CELSR1: variants seen among roughly 807,000 people sequenced by gnomAD.
CELSR1 encodes adhesion G protein-coupled receptor C1.
Under a neutral mutation model 249.1 loss-of-function variants are expected in CELSR1, and 110 were observed. The observed-to-expected ratio is 0.44, with a 90% CI of 0.38 to 0.52. The LOEUF (loss-of-function observed/expected upper bound fraction) is 0.52. Ranked by LOEUF, CELSR1 falls within the 20% of genes least tolerant of loss-of-function variation. CELSR1 has a pLI of 0.00. For missense variants in CELSR1, 4,109 were observed against 4,296.4 expected, an observed-to-expected ratio of 0.96 and a Z score of 1.22; for synonymous variants, 2,113 against 1,900.0, an observed-to-expected ratio of 1.11 and a Z score of -2.92.
In CELSR1 at chr22:46,398,942, C is replaced by T. The variant is rs1175781796; in HGVS notation, c.5413-305G>A. On this transcript the variant is annotated intron_variant, in intron 10 of 34. Coordinates refer to ENST00000674500, the MANE Select transcript of CELSR1 (RefSeq NM_001378328.1). The surrounding 1 kb of genome is among the most constrained non-coding windows in gnomAD (Gnocchi z 7.2). The stretch of plus-strand genomic sequence containing the variant: ...CAAGGGCACAACACTAAACCAGCCA[C>T]GCTGTGACAGAGAGCTTGGCGAGTC... Among the ~76,000 whole-genome samples, 3 of 152,202 alleles carry T rather than the reference C, an allele frequency of 2.0e-5. No homozygotes were observed. Among genetic ancestry groups the T allele is most frequent in the African/African-American group, 4.8e-5 (2 of 41,446 alleles).
chr22:46,413,189 A>G lies in CELSR1; in HGVS notation c.4612-1430T>C, dbSNP rs996781857. ...CTTTTAATAGGAAAATAACAACCAC[A>G]TAGTTCATTCAAAAATAAATCTTCA... On this transcript the variant is annotated intron_variant, in intron 5 of 34. Transcript: ENST00000674500. This position sits in a 1 kb window ranked among gnomAD's most constrained non-coding sequence, Gnocchi z 4.7. Among the ~76,000 whole-genome samples the G allele has an allele frequency of 3.3e-5, 5 of 152,278 alleles. No individual in the cohort carries two copies. In the South Asian group the frequency reaches 1.0e-3, roughly 31 times the overall value.
intron 24 of CELSR1, among the ~76,000 whole-genome samples, chr22:46,375,498 C>G (rs1311479689): frequency 6.6e-6 from 1 of 151,740 alleles, no homozygotes; most frequent in Admixed American, 6.6e-5. Flanking sequence ...CATTATCAGA[C>G]TGCTCTGATC....
At chr22:46,378,842 C>T in intron 22 of CELSR1, 125 bp from the exon 23 acceptor site, 2 of 1,264,856 alleles carry the variant, frequency 1.6e-6, no homozygotes, top group Non-Finnish European at 2.2e-6. Context: ...ACAGCAGGTG[C>T]CGTGAGTGCT....
Position 46,365,786 on chromosome 22 carries a change from T to G in CELSR1, c.8301-97A>C, listed in dbSNP as rs1237390956. On this transcript the variant is annotated intron_variant, in intron 30 of 34. Transcript: ENST00000674500. ...AGATTCTCTGCCCCTACCCCTTCTG[T>G]GTTCCCAACAACAGCACAGACAAAA... The G allele has an allele frequency of 2.6e-5, 22 of 838,446 alleles. 1 individual carries two copies. The African/African-American group carries it at 4.4e-4, about 17-fold the overall frequency. 51.9% of individuals were successfully genotyped at this position (838,446 alleles called of 1,614,324 possible).
At chr22:46,366,060 GAGGGGGAAGGTGGA>G (rs1252891412) in intron 30 of CELSR1, among the ~76,000 whole-genome samples, 1 of 6,058 alleles carries the variant, frequency 1.7e-4, no homozygotes, top group Admixed American at 9.7e-4. Flanking sequence ...GGGAAAGGTG[GAGGGGGAAGGTGGA>G]GGGGGGAAGG....
intron 2 of CELSR1, among the ~76,000 whole-genome samples, chr22:46,458,790 C>T (rs573756898): frequency 2.0e-4 from 31 of 152,330 alleles, no homozygotes; most frequent in South Asian, 1.2e-3. Flanking sequence ...GTCCCACCTC[C>T]TGGGTTGTCA....
intron 1 of CELSR1, among the ~76,000 whole-genome samples, chr22:46,509,828 A>G (rs979098646): frequency 3.9e-5 from 6 of 152,180 alleles, no homozygotes; most frequent in Non-Finnish European, 8.8e-5. Context: ...GTACCCATGC[A>G]CAATGCAGGG....
At chr22:46,502,544 G>A (rs2080477278) in intron 1 of CELSR1, among the ~76,000 whole-genome samples, 2 of 151,790 alleles carry the variant, frequency 1.3e-5, no homozygotes, top group South Asian at 2.1e-4. Flanking sequence ...GAGGGAGGGA[G>A]AGAGGGACGT....
rs777606696 is a variant in CELSR1, at chr22:46,391,308, G to C, written c.6149-21C>G. The C allele has an allele frequency of 1.7e-5, 27 of 1,598,448 alleles. No individual in the cohort carries two copies. The highest frequency in any genetic ancestry group is 2.1e-5 in the Non-Finnish European group (25 of 1,166,938). Reference sequence around the variant, plus strand: ...GATCACTGGGGTAGAGAAGAGAGAAGTCTGCTCAGCGGGGCACGCCACACC... The same window carrying C: ...GATCACTGGGGTAGAGAAGAGAGAACTCTGCTCAGCGGGGCACGCCACACC... On this transcript the variant is annotated intron_variant, in intron 15 of 34. Coordinates refer to ENST00000674500, the MANE Select transcript of CELSR1 (RefSeq NM_001378328.1). The surrounding 1 kb of genome is among the most constrained non-coding windows in gnomAD (Gnocchi z 4.3).
intron 1 of CELSR1, among the ~76,000 whole-genome samples, chr22:46,522,213 C>A (rs1160818575): frequency 1.3e-5 from 2 of 152,186 alleles, no homozygotes; most frequent in African/African-American, 4.8e-5. Context: ...GCAACCTCCA[C>A]CTCCCAGGCT....
Position 46,436,101 on chromosome 22 carries a change from G to C in CELSR1, c.4522+73C>G. 8.5e-7 allele frequency: 1 copy of C among 1,180,420 alleles called. No homozygotes were observed. 73.1% of individuals were successfully genotyped at this position (1,180,420 alleles called of 1,614,324 possible). On this transcript the variant is annotated intron_variant, in intron 4 of 34. Transcript: ENST00000674500. This position sits in a 1 kb window ranked among gnomAD's most constrained non-coding sequence, Gnocchi z 5.9. ...TAAGCAGCTTGGAGGCGCTGCACAG[G>C]GCGAGGGTCGTTTTAACCCACAAAG...
rs199701502 is a variant in CELSR1, at chr22:46,533,613, C to G, written c.3544+14G>C. On this transcript the variant is annotated intron_variant, in intron 1 of 34. Transcript: ENST00000674500. ...CCATCAGGAGCTACTCCTCCCACCC[C>G]GACGGCCACTCACCAGACACAGACA... The G allele has an allele frequency of 3.0e-4, 467 of 1,538,222 alleles. 2 individuals are homozygous for G. Among genetic ancestry groups the G allele is most frequent in the Non-Finnish European group, 7.3e-5 (84 of 1,147,364 alleles).
Position 46,506,315 on chromosome 22 carries a change from G to A in CELSR1, c.3544+27312C>T, listed in dbSNP as rs1413313177. Among the ~76,000 whole-genome samples, 2 of 152,196 alleles carry A rather than the reference G, an allele frequency of 1.3e-5. No homozygotes were observed. The highest frequency in any genetic ancestry group is 2.9e-5 in the Non-Finnish European group (2 of 68,042). On this transcript the variant is annotated intron_variant, in intron 1 of 34. Transcript: ENST00000674500. This position sits in a 1 kb window ranked among gnomAD's most constrained non-coding sequence, Gnocchi z 4.1. ...CTGGCACCTCCACCGTGCCTGGCCT[G>A]GGGGAGCAGCAGAGCCCCGCAGGCC...
intron 5 of CELSR1, among the ~76,000 whole-genome samples, chr22:46,431,690 C>T (rs781167355): frequency 3.3e-5 from 5 of 152,196 alleles, no homozygotes; most frequent in South Asian, 2.1e-4. Context: ...AACGGCCACC[C>T]GTGCAGCTCA....
In CELSR1 at chr22:46,448,305, C is replaced by T. The variant is rs1165209572; in HGVS notation, c.4184-8894G>A. On this transcript the variant is annotated intron_variant, in intron 2 of 34. Coordinates refer to ENST00000674500, the MANE Select transcript of CELSR1 (RefSeq NM_001378328.1). The surrounding 1 kb of genome is among the most constrained non-coding windows in gnomAD (Gnocchi z 5.7). ...CATGGGGGTGGGGGCAGAGGGCCCA[C>T]GCGAGGGGATGCTGATGTGAACCCC... Among the ~76,000 whole-genome samples, 4 of 152,232 alleles carry T rather than the reference C, an allele frequency of 2.6e-5. No homozygotes were observed. The highest frequency in any genetic ancestry group is 2.1e-4 in the South Asian group (1 of 4,828).
intron 2 of CELSR1, among the ~76,000 whole-genome samples, chr22:46,458,169 G>A (rs960155169): frequency 2.6e-5 from 4 of 152,198 alleles, no homozygotes; most frequent in Non-Finnish European, 1.5e-5. Flanking sequence ...TGCGCTGGAG[G>A]GGCAAGCACC....
At position 46,402,083 on chromosome 22, in the gene CELSR1, A is replaced by G. The variant is rs781287460; in HGVS notation, c.5227-2181T>C. 6.6e-6 allele frequency among the ~76,000 whole-genome samples: 1 copy of G among 152,232 alleles called. No homozygotes were observed. The highest frequency in any genetic ancestry group is 1.9e-4 in the East Asian group (1 of 5,174). On this transcript the variant is annotated intron_variant, in intron 9 of 34. Coordinates refer to ENST00000674500, the MANE Select transcript of CELSR1 (RefSeq NM_001378328.1). This position sits in a 1 kb window ranked among gnomAD's most constrained non-coding sequence, Gnocchi z 5.0. ...AGCCTGGGCGATGGAGCGAGACTCC[A>G]TCTCAAAAACACACAAACAAAAAAG...
chr22:46,505,014 G>C (rs2080501456), intron 1 of CELSR1, among the ~76,000 whole-genome samples: 1 of 152,234 alleles, frequency 6.6e-6, no homozygotes, highest in Non-Finnish European at 1.5e-5. Context: ...TGTAATCCCA[G>C]CACTTTGGGA....
At chr22:46,507,590 G>C (rs933469449) in intron 1 of CELSR1, among the ~76,000 whole-genome samples, 2 of 152,126 alleles carry the variant, frequency 1.3e-5, no homozygotes, top group East Asian at 3.9e-4. Flanking sequence ...CCCTCACCAG[G>C]CCACGTGCAC....
Sources: gnomAD v4.1 joint callset for allele counts (sites outside exome capture counted in the v4.1 genomes callset) on GRCh38, gnomAD v4.1.1 for gene constraint, Gnocchi (gnomAD v3.1) non-coding constraint, MANE v1.5 for transcripts, NCBI Gene and HGNC (gene_info 2026-07-23, HGNC 2026-07-21) for gene names.